Variants in KHDRBS1 observed in about 807,000 individuals in gnomAD.
KHDRBS1 encodes the protein KH domain-containing, RNA-binding, signal transduction-associated protein 1.
Under a neutral mutation model 48.4 loss-of-function variants are expected in KHDRBS1, and 7 were observed. The ratio of observed to expected loss-of-function variants is 0.14; its 90% CI spans 0.08 to 0.27. KHDRBS1 has a LOEUF of 0.27. Among genes scored for constraint, KHDRBS1 ranks in the 10% least tolerant of loss-of-function variants. KHDRBS1 has a pLI of 1.00. For synonymous variants in KHDRBS1, 241 were observed against 235.8 expected, an observed-to-expected ratio of 1.02 and a Z score of -0.20; for missense variants, 458 against 601.2, an observed-to-expected ratio of 0.76 and a Z score of 2.49.
chr1:32,029,672 A>T (rs1639044347), intron 1 of KHDRBS1, among the ~76,000 whole-genome samples: 2 of 152,208 alleles, frequency 1.3e-5, no homozygotes, highest in Admixed American at 6.5e-5. Context: ...AAGAAAAAAA[A>T]GTACCTTGTG....
chr1:32,019,020 A>C (rs1569763730), intron 1 of KHDRBS1, among the ~76,000 whole-genome samples: 1 of 149,142 alleles, frequency 6.7e-6, no homozygotes, highest in African/African-American at 2.5e-5. Flanking sequence ...ACTTGAACCC[A>C]GGAGGTGGAG....
In KHDRBS1 at chr1:32,014,053, T is replaced by C. The variant is rs757465968; in HGVS notation, c.58T>C (p.Ser20Pro). The change falls in exon 1 of 9, where the codon TCC becomes CCC. Residue 20 changes from serine to proline, a missense_variant. Around this residue, in one of 3 missense-constraint regions of KHDRBS1, gnomAD observed 213 missense variants for 215.6 expected, o/e 0.99. Transcript: ENST00000327300. ...RMSRSSGRSG[S>P]MDPSGAHPSV... ...GAGCCGGTCTTCGGGCCGTAGCGGC[T>C]CCATGGACCCCTCCGGTGCCCACCC... is the stretch of plus-strand genomic sequence containing the variant. 8.6e-6 allele frequency: 13 copies of C among 1,513,232 alleles called. No individual in the cohort carries two copies. The highest frequency in any genetic ancestry group is 6.3e-5 in the Admixed American group (3 of 47,778). The allele number at this position is 1,513,232 out of a possible 1,614,324, so 93.7% of individuals were successfully genotyped here. A position where few individuals can be genotyped will look rare whatever the true frequency, so the allele number is the denominator to read the frequency against.
At chr1:32,024,365 A>G (rs2124365846) in intron 1 of KHDRBS1, among the ~76,000 whole-genome samples, 1 of 152,250 alleles carries the variant, frequency 6.6e-6, no homozygotes, top group East Asian at 1.9e-4. Context: ...GCTGGAATGC[A>G]GTGGCGCCCA....
chr1:32,033,861 G>GT (rs747052858), intron 4 of KHDRBS1, among the ~76,000 whole-genome samples: 6 of 152,142 alleles, frequency 3.9e-5, no homozygotes, highest in Non-Finnish European at 1.5e-5. Context: ...TTTGGAAGAG[G>GT]TTGACTATTG....
intron 3 of KHDRBS1, 41 bp from the exon 4 acceptor site, chr1:32,033,147 C>T (rs1454081999): frequency 5.7e-6 from 9 of 1,577,710 alleles, no homozygotes; most frequent in African/African-American, 1.3e-5. Flanking sequence ...GGTGTTTTCT[C>T]CCTAGTCCAT....
chr1:32,029,373 G>A (rs947951998), intron 1 of KHDRBS1, among the ~76,000 whole-genome samples: 1 of 152,116 alleles, frequency 6.6e-6, no homozygotes, highest in Admixed American at 6.5e-5. Flanking sequence ...AAAAGTACCT[G>A]GTGGCTGGGC....
chr1:32,014,516 T>A, intron 1 of KHDRBS1, 139 bp downstream of exon 1: 1 of 908,204 alleles, frequency 1.1e-6, no homozygotes, highest in Non-Finnish European at 1.5e-6. Flanking sequence ...TTTGGGAGCC[T>A]GGATTCCACA....
At chr1:32,046,120 T>A (rs1237772024), downstream of KHDRBS1, among the ~76,000 whole-genome samples, 2 of 152,172 alleles carry the variant, frequency 1.3e-5, no homozygotes, top group South Asian at 2.1e-4. Flanking sequence ...GCTCAAGATT[T>A]CTGTTGCCAA....
At chr1:32,047,819 C>G (rs1639374917), downstream of KHDRBS1, among the ~76,000 whole-genome samples, 1 of 152,182 alleles carries the variant, frequency 6.6e-6, no homozygotes. Context: ...TTCCATCACT[C>G]TAAAAACAAA....
At chr1:32,032,187 C>T (rs906656766) in intron 3 of KHDRBS1, among the ~76,000 whole-genome samples, 4 of 152,124 alleles carry the variant, frequency 2.6e-5, no homozygotes, top group African/African-American at 7.2e-5. Context: ...GCCATAGCCG[C>T]GTACGCTGTG....
chr1:32,054,540 G>A (rs554973142), intron 10 of KHDRBS1: 1 of 152,224 alleles, frequency 6.6e-6, no homozygotes, highest in South Asian at 2.1e-4. Flanking sequence ...CAAAACTCTT[G>A]ACTGTCCACT....
At chr1:32,044,508 A>AT (rs1226344815), downstream of KHDRBS1, among the ~76,000 whole-genome samples, 3 of 152,336 alleles carry the variant, frequency 2.0e-5, no homozygotes, top group African/African-American at 7.2e-5. Context: ...CAGGGTTCTC[A>AT]TGGCTTCCCT....
intron 1 of KHDRBS1, among the ~76,000 whole-genome samples, chr1:32,026,591 A>T (rs1278037432): frequency 6.6e-6 from 1 of 152,228 alleles, no homozygotes; most frequent in Non-Finnish European, 1.5e-5. Context: ...TGAAAAAATG[A>T]AAGGCCTTAA....
intron 1 of KHDRBS1, among the ~76,000 whole-genome samples, chr1:32,022,128 C>T (rs1180689778): frequency 6.6e-6 from 1 of 151,912 alleles, no homozygotes; most frequent in Non-Finnish European, 1.5e-5. Flanking sequence ...CCACCACGCC[C>T]AACCAGTTTT....
rs773370855 is a variant in KHDRBS1 at position 32,043,567 on chromosome 1, T to C, written c.*943T>C. ...ATTCTGCACTCCATGAAAAGTTCAC[T>C]TGGACGCTGGGGCCAAAAGCTGTTG... On this transcript the variant is annotated 3_prime_UTR_variant, in exon 9 of 9. Transcript: ENST00000327300. 8.5e-5 allele frequency: 13 copies of C among 152,680 alleles called. No homozygotes were observed. Among genetic ancestry groups the C allele is most frequent in the Admixed American group, 1.3e-4 (2 of 15,292 alleles). The allele number at this position is 152,680 out of a possible 1,614,324, so 9.5% of individuals were successfully genotyped here.
Position 32,014,365 on chromosome 1 carries a change from C to T in KHDRBS1, c.370C>T (p.Leu124=), listed in dbSNP as rs1285332613. ...CCCGTCCTTCACTCACGCCATGCAG[C>T]TGCTGACGGCAGGTAAGGGGGCCTC... ...LDPSFTHAMQ[L]LTAEIEKIQK... Residue 124 remains leucine (L), a synonymous_variant, in exon 1 of 9, where the codon CTG becomes TTG. Coordinates refer to ENST00000327300, the MANE Select transcript of KHDRBS1 (RefSeq NM_006559.3). 1.4e-6 allele frequency: 2 copies of T among 1,478,636 alleles called. No homozygotes were observed. Among genetic ancestry groups the T allele is most frequent in the South Asian group, 2.6e-5 (2 of 75,958 alleles). The allele number at this position is 1,478,636 out of a possible 1,614,324, so 91.6% of individuals were successfully genotyped here. A position where few individuals can be genotyped will look rare whatever the true frequency, so the allele number is the denominator to read the frequency against.
chr1:32,045,341 ACTC>A (rs1324863900), downstream of KHDRBS1: 1 of 151,866 alleles, frequency 6.6e-6, no homozygotes, highest in African/African-American at 2.4e-5. Context: ...GTGACTGAAA[ACTC>A]CTGAGGCATT....
intron 4 of KHDRBS1, among the ~76,000 whole-genome samples, chr1:32,036,698 G>A (rs1569802341): frequency 1.3e-5 from 2 of 152,258 alleles, no homozygotes; most frequent in East Asian, 3.9e-4. Context: ...GCTAGGCAGA[G>A]ACCACATTAT....
At chr1:32,014,496 C>T in intron 1 of KHDRBS1, 119 bp downstream of exon 1, 2 of 1,059,370 alleles carry the variant, frequency 1.9e-6, no homozygotes, top group Non-Finnish European at 2.5e-6. Context: ...GTTCCGGTCT[C>T]ATCCTCATTT....
Sources: gnomAD v4.1 joint callset for allele counts (sites outside exome capture counted in the v4.1 genomes callset) on GRCh38, gnomAD v4.1.1 for gene constraint, gnomAD v4.1.1 regional missense constraint, MANE v1.5 for transcripts, NCBI Gene and HGNC (gene_info 2026-07-23, HGNC 2026-07-21) for gene names.